MCTP2: variants seen among roughly 807,000 people sequenced by gnomAD.
MCTP2 encodes the protein multiple C2 and transmembrane domain-containing protein 2.
In MCTP2, 132 loss-of-function variants were observed where a neutral mutation model predicts 111.6. That is an observed-to-expected ratio of 1.18 (90% CI 1.03 to 1.37). MCTP2 has a LOEUF of 1.37. Ranked by LOEUF, MCTP2 falls within the 40% of genes most tolerant of loss-of-function variation. The pLI is 0.00. For synonymous variants in MCTP2, 395 were observed against 387.7 expected (o/e 1.02, Z -0.22); for missense variants, 1,183 against 1,067.9 (o/e 1.11, Z -1.50).
intron 19 of MCTP2, among the ~76,000 whole-genome samples, chr15:94,446,758 A>G (rs1300737833): frequency 2.6e-5 from 4 of 152,224 alleles, no homozygotes; most frequent in African/African-American, 7.2e-5. Context: ...CAAGGCTTGC[A>G]TTGTGGGTTG....
Position 94,298,279 on chromosome 15 carries a change from A to T in MCTP2, c.14A>T (p.Lys5Ile), listed in dbSNP as rs1306613378. The T allele has an allele frequency of 2.5e-6, 4 of 1,611,824 alleles. No homozygotes were observed. Among genetic ancestry groups the T allele is most frequent in the Non-Finnish European group, 2.5e-6 (3 of 1,178,810 alleles). MDLDKPSVWGSLKQR... is the reference protein window; with the variant it reads MDLDIPSVWGSLKQR... ...CTTCATGCAGCCATGGATCTGGATAAACCATCTGTTTGGGGCTCATTAAAA... is the reference window on the plus strand; with the variant it reads ...CTTCATGCAGCCATGGATCTGGATATACCATCTGTTTGGGGCTCATTAAAA... The change falls in exon 2 of 23, where the codon AAA (lysine) becomes ATA (isoleucine). Residue 5 changes from lysine to isoleucine, a missense_variant. Physicochemically the swap from Lys to Ile is moderately radical, Grantham distance 102. Transcript: ENST00000357742.
At chr15:94,442,869 TTTG>T in intron 18 of MCTP2, 47 bp from the exon 19 acceptor site, 1 of 1,509,412 alleles carries the variant, frequency 6.6e-7, no homozygotes. Flanking sequence ...TTAATTTGCA[TTTG>T]TTAATTTCGG....
intron 2 of MCTP2, among the ~76,000 whole-genome samples, chr15:94,310,672 A>G (rs949165259): frequency 1.1e-4 from 17 of 151,530 alleles, no homozygotes; most frequent in Admixed American, 8.5e-4. Flanking sequence ...AAAATTTATA[A>G]AATAAATAAA....
chr15:94,376,354 A>G (rs563630753), intron 12 of MCTP2, among the ~76,000 whole-genome samples: 2 of 152,242 alleles, frequency 1.3e-5, no homozygotes, highest in East Asian at 3.9e-4. Context: ...ATTAGTGCCC[A>G]TGTTTTTGCC....
intron 10 of MCTP2, among the ~76,000 whole-genome samples, chr15:94,359,438 T>G (rs746843102): frequency 1.3e-5 from 2 of 152,196 alleles, no homozygotes; most frequent in African/African-American, 2.4e-5. Flanking sequence ...TACACAGATC[T>G]TAAATTTAAA....
intron 19 of MCTP2, among the ~76,000 whole-genome samples, chr15:94,448,695 T>C (rs2084267311): frequency 6.6e-6 from 1 of 152,226 alleles, no homozygotes; most frequent in Admixed American, 6.5e-5. Flanking sequence ...CTGTATTGCA[T>C]CTAGATATTT....
intron 1 of MCTP2, among the ~76,000 whole-genome samples, chr15:94,248,824 C>T (rs1298268697): frequency 1.3e-5 from 2 of 152,238 alleles, no homozygotes. Flanking sequence ...TCCGTGGAAA[C>T]TTACCCAGTG....
intron 20 of MCTP2, among the ~76,000 whole-genome samples, chr15:94,469,204 G>C (rs921651756): frequency 6.6e-6 from 1 of 152,148 alleles, no homozygotes; most frequent in Non-Finnish European, 1.5e-5. Context: ...AAGGCAATGA[G>C]GCTCTACGGT....
chr15:94,245,220 A>G (rs61728562), intron 1 of MCTP2, among the ~76,000 whole-genome samples: 47,424 of 126,804 alleles, frequency 0.37, 8,576 homozygotes, highest in African/African-American at 0.45. Flanking sequence ...ACATATGTGT[A>G]TATATACATA....
intron 2 of MCTP2, among the ~76,000 whole-genome samples, chr15:94,305,406 T>C (rs1484279153): frequency 6.6e-6 from 1 of 152,218 alleles, no homozygotes; most frequent in East Asian, 1.9e-4. Context: ...TGGCCAAGAC[T>C]TGTGGCTAAA....
intron 17 of MCTP2, among the ~76,000 whole-genome samples, chr15:94,418,502 G>A (rs957813498): frequency 3.3e-5 from 5 of 152,118 alleles, no homozygotes; most frequent in African/African-American, 1.2e-4. Context: ...CGTATAATGA[G>A]AAATTTATTG....
intron 7 of MCTP2, chr15:94,341,929 G>C (rs1473326993): frequency 6.6e-6 from 1 of 152,116 alleles, no homozygotes; most frequent in Non-Finnish European, 1.5e-5. Context: ...CCCACCTAAA[G>C]AAGGAGGGAT....
intron 4 of MCTP2, among the ~76,000 whole-genome samples, chr15:94,326,644 T>A (rs2076885535): frequency 6.6e-6 from 1 of 152,006 alleles, no homozygotes; most frequent in African/African-American, 2.4e-5. Context: ...CTCAGCTTCC[T>A]ACAACTTCTG....
Position 94,478,963 on chromosome 15 carries a change from C to G in MCTP2, c.2569-3C>G, listed in dbSNP as rs751765204. Reference sequence around the variant, plus strand: ...CCAGCATCACGGCTATTTGTTTTCACAGGTGCAGTATGCAGAATTGAAACT... The same window carrying G: ...CCAGCATCACGGCTATTTGTTTTCAGAGGTGCAGTATGCAGAATTGAAACT... On this transcript the variant is annotated splice_region_variant and splice_polypyrimidine_tract_variant and intron_variant, in intron 22 of 22. Transcript: ENST00000357742. The G allele has an allele frequency of 1.9e-6, 3 of 1,613,880 alleles. No individual in the cohort carries two copies. In the South Asian group the frequency reaches 3.3e-5, roughly 18 times the overall value.
intron 10 of MCTP2, among the ~76,000 whole-genome samples, chr15:94,359,257 C>G (rs778363103): frequency 5.3e-5 from 8 of 152,016 alleles, no homozygotes; most frequent in Non-Finnish European, 8.8e-5. Flanking sequence ...TCAGAAAAGC[C>G]CTTTGAGTTA....
intron 1 of MCTP2, among the ~76,000 whole-genome samples, chr15:94,276,407 C>A (rs2074213653): frequency 6.6e-6 from 1 of 152,020 alleles, no homozygotes; most frequent in African/African-American, 2.4e-5. Flanking sequence ...AATTCAATCA[C>A]CAGTTAAATA....
At chr15:94,416,895 C>G (rs1304134010) in intron 17 of MCTP2, among the ~76,000 whole-genome samples, 2 of 152,160 alleles carry the variant, frequency 1.3e-5, no homozygotes, top group Non-Finnish European at 2.9e-5. Flanking sequence ...CCTCCCATTT[C>G]TACCACTACC....
intron 2 of MCTP2, among the ~76,000 whole-genome samples, chr15:94,305,656 A>G (rs373787252): frequency 4.6e-5 from 7 of 152,234 alleles, no homozygotes; most frequent in African/African-American, 1.7e-4. Context: ...CTTATATGAT[A>G]TGCATGTATA....
At chr15:94,340,333 A>G (rs2077567581) in intron 6 of MCTP2, 58 bp downstream of exon 6, 5 of 1,238,976 alleles carry the variant, frequency 4.0e-6, no homozygotes, top group African/African-American at 1.5e-5. Context: ...ACTTACGATA[A>G]TGTTAAATGG....
Sources: gnomAD v4.1 joint callset for allele counts (sites outside exome capture counted in the v4.1 genomes callset) on GRCh38, gnomAD v4.1.1 for gene constraint, MANE v1.5 for transcripts, NCBI Gene and HGNC (gene_info 2026-07-23, HGNC 2026-07-21) for gene names.